ASXL2: variants seen among roughly 807,000 people sequenced by gnomAD.
ASXL2 encodes ASXL transcriptional regulator 2.
Under a neutral mutation model 122.0 loss-of-function variants are expected in ASXL2, and 23 were observed. That is an observed-to-expected ratio of 0.19 (90% CI 0.14 to 0.27). The LOEUF (loss-of-function observed/expected upper bound fraction) is 0.27, where lower values mean the gene tolerates loss of function less well. Among genes scored for constraint, ASXL2 ranks in the 10% least tolerant of loss-of-function variants. ASXL2 has a pLI of 1.00. For synonymous variants in ASXL2, 650 were observed against 637.0 expected, an observed-to-expected ratio of 1.02 and a Z score of -0.31; for missense variants, 1,518 against 1,713.8, an observed-to-expected ratio of 0.89 and a Z score of 2.02.
Position 25,739,181 on chromosome 2 carries a change from CTGGAAATA to C in ASXL2, c.*2840_*2847del, listed in dbSNP as rs2087785644. On this transcript the variant is annotated 3_prime_UTR_variant, in exon 13 of 13. Coordinates refer to ENST00000435504, the MANE Select transcript of ASXL2 (RefSeq NM_018263.6). ...ATCAGGCATAATGCCTGACTAGTCA[CTGGAAATA>C]ATGCCAGGTCATACCCTAAGAATAA... is the stretch of plus-strand genomic sequence containing the variant. The C allele has an allele frequency of 6.5e-6, 1 of 153,226 alleles. No individual in the cohort carries two copies. Among genetic ancestry groups the C allele is most frequent in the Admixed American group, 6.5e-5 (1 of 15,308 alleles). The allele number at this position is 153,226 out of a possible 1,614,324, so 9.5% of individuals were successfully genotyped here.
chr2:25,853,993 T>TGA (rs1462954958), intron 1 of ASXL2, among the ~76,000 whole-genome samples: 1 of 152,076 alleles, frequency 6.6e-6, no homozygotes, highest in Non-Finnish European at 1.5e-5. Flanking sequence ...CGCAGAAACT[T>TGA]GAGTGTAAAA....
At chr2:25,791,418 G>A (rs781103688) in intron 5 of ASXL2, among the ~76,000 whole-genome samples, 2 of 151,636 alleles carry the variant, frequency 1.3e-5, no homozygotes, top group Non-Finnish European at 2.9e-5. Flanking sequence ...ACCCACGATG[G>A]GGAGGTTGCA....
chr2:25,763,587 T>C (rs915081158), intron 8 of ASXL2, among the ~76,000 whole-genome samples: 2 of 152,086 alleles, frequency 1.3e-5, no homozygotes, highest in Admixed American at 1.3e-4. Flanking sequence ...TTCAGTATCA[T>C]TAGGTCAAAA....
intron 1 of ASXL2, among the ~76,000 whole-genome samples, chr2:25,846,241 C>T (rs1195999249): frequency 6.6e-6 from 1 of 152,162 alleles, no homozygotes; most frequent in African/African-American, 2.4e-5. Context: ...GGGTTTTTCC[C>T]CCCTTTCCTT....
At chr2:25,877,534 T>A (rs2090019245) in intron 1 of ASXL2, among the ~76,000 whole-genome samples, 1 of 151,678 alleles carries the variant, frequency 6.6e-6, no homozygotes, top group South Asian at 2.1e-4. Context: ...TTGTTCAGAG[T>A]AGGTCTCTAC....
chr2:25,790,753 CAA>C (rs1489457909), intron 5 of ASXL2, among the ~76,000 whole-genome samples: 1 of 134,406 alleles, frequency 7.4e-6, no homozygotes, highest in African/African-American at 2.7e-5. Context: ...ACTTAATGAA[CAA>C]AAATATGAAA....
chr2:25,805,542 A>AT, intron 4 of ASXL2, among the ~76,000 whole-genome samples: 1 of 152,266 alleles, frequency 6.6e-6, no homozygotes, highest in Non-Finnish European at 1.5e-5. Context: ...CCAACTGTGA[A>AT]TTGTGAGAGA....
At chr2:25,751,842 C>G (rs1356512653) in intron 11 of ASXL2, among the ~76,000 whole-genome samples, 1 of 151,642 alleles carries the variant, frequency 6.6e-6, no homozygotes, top group Non-Finnish European at 1.5e-5. Context: ...AGTGCAATGG[C>G]GTAATCTTGG....
intron 5 of ASXL2, among the ~76,000 whole-genome samples, chr2:25,776,542 C>CTA (rs1320584250): frequency 2.0e-5 from 3 of 152,124 alleles, no homozygotes; most frequent in African/African-American, 7.2e-5. Context: ...CTGGGTCTTA[C>CTA]TGTAACTCTA....
rs1254268161 is a variant in ASXL2, at chr2:25,768,728, C to T, written c.631+14G>A. 3.1e-6 allele frequency: 5 copies of T among 1,606,132 alleles called. No homozygotes were observed. Among genetic ancestry groups the T allele is most frequent in the Non-Finnish European group, 4.2e-6 (5 of 1,176,836 alleles). On this transcript the variant is annotated intron_variant, in intron 7 of 12. Coordinates refer to ENST00000435504, the MANE Select transcript of ASXL2 (RefSeq NM_018263.6). ...AAAAGAAACTTCCATTGAAAAACTG[C>T]CCAAACTGCCTACCAGGTTTGGCAG...
At chr2:25,841,890 T>G (rs570725636) in intron 2 of ASXL2, among the ~76,000 whole-genome samples, 1 of 147,306 alleles carries the variant, frequency 6.8e-6, no homozygotes, top group East Asian at 2.0e-4. Flanking sequence ...GAGCTTGCAG[T>G]GAGCTGAGAT....
intron 3 of ASXL2, among the ~76,000 whole-genome samples, chr2:25,832,713 T>A (rs56408150): frequency 0.032 from 4,828 of 152,290 alleles, 109 homozygotes; most frequent in Non-Finnish European, 0.049. Flanking sequence ...GGAAAATGTA[T>A]GCCCATACAA....
chr2:25,777,946 A>C (rs1349128980), intron 5 of ASXL2, among the ~76,000 whole-genome samples: 1 of 152,230 alleles, frequency 6.6e-6, no homozygotes, highest in East Asian at 1.9e-4. Context: ...TACAAAAATA[A>C]ATTTCAAAGA....
At chr2:25,843,965 CTGAGA>C (rs998227803) in intron 2 of ASXL2, among the ~76,000 whole-genome samples, 6 of 151,954 alleles carry the variant, frequency 3.9e-5, no homozygotes, top group African/African-American at 1.5e-4. Context: ...CTATTGGCAC[CTGAGA>C]TGAAAAACTA....
intron 5 of ASXL2, among the ~76,000 whole-genome samples, chr2:25,782,401 C>T (rs2088658825): frequency 1.3e-5 from 2 of 151,860 alleles, no homozygotes; most frequent in South Asian, 4.2e-4. Flanking sequence ...AGAAAATTAG[C>T]CGGGCGTGGT....
chr2:25,812,329 G>C (rs950410871), intron 3 of ASXL2, among the ~76,000 whole-genome samples: 1 of 151,854 alleles, frequency 6.6e-6, no homozygotes, highest in East Asian at 1.9e-4. Flanking sequence ...GTATGGTGGC[G>C]GGCGCCTGTA....
intron 1 of ASXL2, among the ~76,000 whole-genome samples, chr2:25,860,715 G>GAAA (rs375554327): frequency 2.1e-5 from 2 of 93,358 alleles, no homozygotes; most frequent in Non-Finnish European, 4.2e-5. Context: ...CATCTCAGAG[G>GAAA]AAAAAAAAAA....
chr2:25,762,849 T>A lies in ASXL2; in HGVS notation c.776-3204A>T, dbSNP rs138250629. Among the ~76,000 whole-genome samples, 6 of 152,112 alleles carry A rather than the reference T, an allele frequency of 3.9e-5. No individual in the cohort carries two copies. In the East Asian group the frequency reaches 1.2e-3, roughly 29 times the overall value. On this transcript the variant is annotated intron_variant, in intron 8 of 12. Transcript: ENST00000435504. Reference sequence around the variant, plus strand: ...AACAAAGAAATTTCAGCTAGTTATATGCTATTTAGAGAGAGATTATGTAAA... The same window carrying A: ...AACAAAGAAATTTCAGCTAGTTATAAGCTATTTAGAGAGAGATTATGTAAA...
intron 5 of ASXL2, among the ~76,000 whole-genome samples, chr2:25,781,381 G>A (rs1449596468): frequency 7.4e-6 from 1 of 136,048 alleles, no homozygotes; most frequent in Non-Finnish European, 1.6e-5. Context: ...CCTGGGCAAC[G>A]AGAGCAAAAC....
Sources: allele counts gnomAD v4.1 joint callset (sites outside exome capture counted in the v4.1 genomes callset), GRCh38; gene constraint gnomAD v4.1.1; transcripts MANE v1.5; gene names NCBI Gene and HGNC (gene_info 2026-07-23, HGNC 2026-07-21).